PAK5: variants seen among roughly 807,000 people sequenced by gnomAD.
The protein encoded by PAK5 is p21 (RAC1) activated kinase 5.
PAK5 carries 16 observed loss-of-function variants against 65.9 expected under a neutral mutation model. The observed-to-expected ratio is 0.24, with a 90% CI of 0.16 to 0.37. The LOEUF is 0.37. Among genes scored for constraint, PAK5 ranks in the 10% least tolerant of loss-of-function variants. The probability of loss-of-function intolerance (pLI) is 1.00; values close to 1 mark genes in which losing one functional copy is unlikely to be tolerated. For missense variants in PAK5, 785 were observed against 903.9 expected (o/e 0.87, Z 1.69); for synonymous variants, 371 against 354.9 (o/e 1.05, Z -0.51).
intron 1 of PAK5, among the ~76,000 whole-genome samples, chr20:9,808,054 A>T (rs1029354492): frequency 2.0e-5 from 3 of 152,294 alleles, no homozygotes; most frequent in Middle Eastern, 6.8e-3. Context: ...AAGAGACAAG[A>T]CAGAAAATAG....
At chr20:9,542,079 A>G (rs1437191769) in intron 9 of PAK5, among the ~76,000 whole-genome samples, 1 of 152,110 alleles carries the variant, frequency 6.6e-6, no homozygotes, top group Admixed American at 6.5e-5. Flanking sequence ...CCAGCTTTCA[A>G]TCCCTTCTCC....
At chr20:9,614,998 T>C (rs1323111249) in intron 3 of PAK5, among the ~76,000 whole-genome samples, 2 of 152,140 alleles carry the variant, frequency 1.3e-5, no homozygotes, top group Non-Finnish European at 2.9e-5. Context: ...TGTATTAACA[T>C]ATATACAAAT....
intron 7 of PAK5, 87 bp from the exon 8 acceptor site, chr20:9,544,581 T>G: frequency 7.6e-7 from 1 of 1,308,276 alleles, no homozygotes; most frequent in East Asian, 2.3e-5. Flanking sequence ...GTTTCAAATT[T>G]AAAACAAAAC....
intron 1 of PAK5, among the ~76,000 whole-genome samples, chr20:9,777,703 AT>A (rs1035877284): frequency 6.6e-6 from 1 of 152,182 alleles, no homozygotes; most frequent in Admixed American, 6.5e-5. Context: ...ATATACATAT[AT>A]TTTTTTGAAA....
intron 2 of PAK5, among the ~76,000 whole-genome samples, chr20:9,666,723 G>A (rs965217119): frequency 6.6e-6 from 1 of 152,150 alleles, no homozygotes; most frequent in Non-Finnish European, 1.5e-5. Flanking sequence ...AAGTTGTTGA[G>A]TGCTTTGTAT....
At chr20:9,601,341 G>A (rs1387504784) in intron 3 of PAK5, among the ~76,000 whole-genome samples, 1 of 152,184 alleles carries the variant, frequency 6.6e-6, no homozygotes, top group Non-Finnish European at 1.5e-5. Context: ...ATGGGGGAAA[G>A]AGGTCAGGAG....
chr20:9,789,481 T>A (rs1030845028), intron 1 of PAK5, among the ~76,000 whole-genome samples: 1 of 152,170 alleles, frequency 6.6e-6, no homozygotes, highest in Non-Finnish European at 1.5e-5. Flanking sequence ...AAAAAAAGTT[T>A]CCATTAAGCC....
At chr20:9,722,316 G>A (rs1245809586) in intron 1 of PAK5, among the ~76,000 whole-genome samples, 1 of 152,134 alleles carries the variant, frequency 6.6e-6, no homozygotes, top group Non-Finnish European at 1.5e-5. Flanking sequence ...AGTGAGAAAA[G>A]AGTGGTATAA....
At chr20:9,727,108 A>C (rs1016749070) in intron 1 of PAK5, among the ~76,000 whole-genome samples, 2 of 152,188 alleles carry the variant, frequency 1.3e-5, no homozygotes, top group African/African-American at 2.4e-5. Context: ...CATTTAACCT[A>C]CTGTAAATGA....
intron 1 of PAK5, among the ~76,000 whole-genome samples, chr20:9,824,820 CCTT>C (rs955373233): frequency 3.3e-5 from 5 of 152,266 alleles, no homozygotes; most frequent in African/African-American, 9.6e-5. Flanking sequence ...GTCTGTCTCT[CCTT>C]CTTTTTTTAT....
chr20:9,596,572 C>T (rs1356584128), intron 3 of PAK5, among the ~76,000 whole-genome samples: 3 of 136,240 alleles, frequency 2.2e-5, no homozygotes, highest in African/African-American at 8.4e-5. Flanking sequence ...GGAGGCGGAG[C>T]TTGCAGTGAG....
chr20:9,698,934 T>G (rs1384491917), intron 2 of PAK5, among the ~76,000 whole-genome samples: 2 of 152,240 alleles, frequency 1.3e-5, no homozygotes, highest in Non-Finnish European at 2.9e-5. Flanking sequence ...TTTTAAAATT[T>G]TTCCTATCTT....
intron 2 of PAK5, among the ~76,000 whole-genome samples, chr20:9,666,678 G>GCAAAA (rs1032373009): frequency 5.3e-5 from 8 of 151,972 alleles, no homozygotes; most frequent in African/African-American, 1.7e-4. Context: ...AAAACAAAAT[G>GCAAAA]CAAAACAAAA....
chr20:9,761,794 T>G (rs1239370985), intron 1 of PAK5, among the ~76,000 whole-genome samples: 1 of 151,306 alleles, frequency 6.6e-6, no homozygotes, highest in Non-Finnish European at 1.5e-5. Context: ...ATGTTGCATA[T>G]TTTAAATACA....
chr20:9,545,924 T>TA lies in PAK5; in HGVS notation c.1744-1431dup, dbSNP rs796394756. Among the ~76,000 whole-genome samples the TA allele has an allele frequency of 7.0e-3, 1,032 of 146,422 alleles. 14 individuals carry two copies. The highest frequency in any genetic ancestry group is 0.02 in the African/African-American group (798 of 40,156). On this transcript the variant is annotated intron_variant, in intron 7 of 9. Coordinates refer to ENST00000353224, the MANE Select transcript of PAK5 (RefSeq NM_177990.4). ...CACCCCAAGTCTTCCTGGTTAGAGT[T>TA]AAAAAAAAAAACTATCTCTGTGGCT...
At chr20:9,833,463 A>T (rs1439614221) in intron 1 of PAK5, among the ~76,000 whole-genome samples, 1 of 30,810 alleles carries the variant, frequency 3.2e-5, no homozygotes, top group Non-Finnish European at 6.0e-5. Flanking sequence ...CACCACCCCC[A>T]TCCATACCAC....
At chr20:9,728,732 T>C (rs924180634) in intron 1 of PAK5, among the ~76,000 whole-genome samples, 1 of 150,492 alleles carries the variant, frequency 6.6e-6, no homozygotes, top group Admixed American at 6.7e-5. Flanking sequence ...GTTGGCAAAC[T>C]ACAGCCCATG....
At chr20:9,675,684 A>T (rs2047560762) in intron 2 of PAK5, among the ~76,000 whole-genome samples, 1 of 152,120 alleles carries the variant, frequency 6.6e-6, no homozygotes, top group African/African-American at 2.4e-5. Flanking sequence ...TTTCTTCCCC[A>T]TTCTGTTACA....
Position 9,566,211 on chromosome 20 carries a change from C to T in PAK5, c.1164G>A (p.Leu388=), listed in dbSNP as rs747524567. ...TGGAGATGTACTGCGAACTGCTCTG[C>T]AGGGAGGGGTGATGGTACAAGGTGG... The part of the protein sequence containing the change: ...HKATLYHHPS[L]QSSSQYISTA... The change falls in exon 5 of 10, where the codon CTG becomes CTA. Residue 388 remains leucine, a synonymous_variant. Transcript: ENST00000353224. 2 of 1,613,786 alleles carry T rather than the reference C, an allele frequency of 1.2e-6. No homozygotes were observed. Among genetic ancestry groups the T allele is most frequent in the Non-Finnish European group, 1.7e-6 (2 of 1,179,938 alleles).
Sources: allele counts gnomAD v4.1 joint callset (sites outside exome capture counted in the v4.1 genomes callset), GRCh38; gene constraint gnomAD v4.1.1; transcripts MANE v1.5; gene names NCBI Gene and HGNC (gene_info 2026-07-23, HGNC 2026-07-21).